The following HIP1R variants were observed in gnomAD, a reference collection of about 807,000 sequenced individuals.
HIP1R encodes the protein huntingtin interacting protein 1 related, also known as huntingtin-interacting protein 1-related protein.
In HIP1R, 135 loss-of-function variants were observed where a neutral mutation model predicts 144.2. The observed-to-expected ratio is 0.94, with a 90% CI of 0.81 to 1.08. The LOEUF (loss-of-function observed/expected upper bound fraction) is 1.08, where lower values mean the gene tolerates loss of function less well. HIP1R is among the 50% of genes least tolerant of loss of function. The pLI, the probability that HIP1R is intolerant of heterozygous loss-of-function variation, is 0.00. For missense variants in HIP1R, 1,462 were observed against 1,432.8 expected (o/e 1.02, Z -0.33); for synonymous variants, 698 against 612.8 (o/e 1.14, Z -2.05).
Position 122,861,106 on chromosome 12 carries a change from TCACCCC to T in HIP1R, c.2891-23_2891-18del, listed in dbSNP as rs745578711. ...TGAATGGGGGTGGGTGCCCAGATGT[TCACCCC>T]CTTGTCCTCCGGCCACAGACACCAT... On this transcript the variant is annotated intron_variant, in intron 29 of 31. Transcript: ENST00000253083. 6.2e-6 allele frequency: 10 copies of T among 1,613,356 alleles called. No individual in the cohort carries two copies. Among genetic ancestry groups the T allele is most frequent in the Non-Finnish European group, 8.5e-6 (10 of 1,179,946 alleles).
intron 20 of HIP1R, 45 bp from the exon 21 acceptor site, chr12:122,858,793 C>T (rs1463374546): frequency 7.4e-7 from 1 of 1,349,482 alleles, no homozygotes. Context: ...GTGCTAGTGT[C>T]TCAGTGTCAT....
upstream of HIP1R, chr12:122,835,400 T>C (rs1407543853): frequency 5.8e-6 from 5 of 864,996 alleles, no homozygotes; most frequent in Admixed American, 4.7e-4. Flanking sequence ...GGGCGTGCCC[T>C]GGAGTTGGGG....
At chr12:122,858,972 C>T in intron 21 of HIP1R, 27 bp downstream of exon 21, 1 of 1,611,780 alleles carries the variant, frequency 6.2e-7, no homozygotes, top group Non-Finnish European at 8.5e-7. Context: ...ATGGCAGGTT[C>T]TGTCCACCTC....
intron 1 of HIP1R, among the ~76,000 whole-genome samples, chr12:122,841,916 C>A (rs561545739): frequency 2.0e-5 from 3 of 152,168 alleles, no homozygotes; most frequent in Non-Finnish European, 4.4e-5. Context: ...TTCCTAAACG[C>A]TGAAATGACG....
intron 1 of HIP1R, among the ~76,000 whole-genome samples, chr12:122,847,624 G>A (rs1485926308): frequency 6.6e-6 from 1 of 152,226 alleles, no homozygotes; most frequent in Non-Finnish European, 1.5e-5. Flanking sequence ...GCAAAGGCCA[G>A]GTGGGCCCCA....
chr12:122,839,697 C>A (rs923221291), intron 1 of HIP1R, among the ~76,000 whole-genome samples: 1 of 152,216 alleles, frequency 6.6e-6, no homozygotes, highest in Admixed American at 6.5e-5. Flanking sequence ...GAAACAGGTG[C>A]GATTAACTGT....
intron 4 of HIP1R, among the ~76,000 whole-genome samples, chr12:122,849,534 GC>G (rs960884097): frequency 1.1e-4 from 17 of 152,394 alleles, no homozygotes; most frequent in African/African-American, 3.8e-4. Flanking sequence ...GGCCGCAGGG[GC>G]CGTGGGGCTG....
intron 1 of HIP1R, 134 bp downstream of exon 1, chr12:122,835,777 C>A: frequency 2.2e-6 from 1 of 448,310 alleles, no homozygotes; most frequent in Non-Finnish European, 3.0e-6. Context: ...GGGGGCAGGG[C>A]CTGTGTCCGC....
chr12:122,850,984 C>T, intron 6 of HIP1R, 73 bp downstream of exon 6: 1 of 1,337,878 alleles, frequency 7.5e-7, no homozygotes, highest in South Asian at 1.2e-5. Flanking sequence ...GTCTCACGCC[C>T]AGGCGTCCGC....
Position 122,854,973 on chromosome 12 carries a change from G to A in HIP1R, c.776+11G>A, listed in dbSNP as rs200749045. Reference sequence around the variant, plus strand: ...CGAGCAGTTTCACAGGTACTGCCTGGGACAGGGACAGGATTGAGGCCGGTG... The same window carrying A: ...CGAGCAGTTTCACAGGTACTGCCTGAGACAGGGACAGGATTGAGGCCGGTG... On this transcript the variant is annotated intron_variant, in intron 9 of 31. Transcript: ENST00000253083. The A allele has an allele frequency of 1.4e-5, 22 of 1,613,110 alleles. No individual in the cohort carries two copies. In the East Asian group the frequency reaches 4.9e-4, roughly 36 times the overall value.
intron 1 of HIP1R, among the ~76,000 whole-genome samples, chr12:122,842,051 G>T (rs10847864): frequency 0.29 from 43,460 of 152,058 alleles, 7,355 homozygotes; most frequent in East Asian, 0.53. Flanking sequence ...GCTGCTTTGC[G>T]TGTGGCCATA....
At chr12:122,854,296 G>GTGGGTT in intron 8 of HIP1R, 113 bp downstream of exon 8, 1 of 529,826 alleles carries the variant, frequency 1.9e-6, no homozygotes, top group Non-Finnish European at 2.9e-6. Flanking sequence ...AAAAATGGCA[G>GTGGGTT]TAATAAACCC....
intron 26 of HIP1R, 74 bp downstream of exon 26, chr12:122,860,284 A>G (rs918777826): frequency 1.2e-5 from 19 of 1,531,692 alleles, no homozygotes; most frequent in Non-Finnish European, 1.7e-5. Flanking sequence ...TGGGCATGAG[A>G]CCCTCCACCC....
intron 1 of HIP1R, 52 bp downstream of exon 1, chr12:122,835,695 G>A: frequency 9.4e-7 from 1 of 1,068,374 alleles, no homozygotes. Flanking sequence ...GGGCGGGCAA[G>A]CGGCGTCCCT....
At position 122,860,902 on chromosome 12, in the gene HIP1R, C is replaced by G; in HGVS notation, c.2767-14C>G. The stretch of plus-strand genomic sequence containing the variant: ...CTGGGAGACCTGGGCCCACCCTGAC[C>G]TCTCGCCCCTCAGGTGAAGGCCAAC... On this transcript the variant is annotated splice_polypyrimidine_tract_variant and intron_variant, in intron 28 of 31. Coordinates refer to ENST00000253083, the MANE Select transcript of HIP1R (RefSeq NM_003959.3). The G allele has an allele frequency of 6.2e-7, 1 of 1,606,870 alleles. No homozygotes were observed. Among genetic ancestry groups the G allele is most frequent in the Non-Finnish European group, 8.5e-7 (1 of 1,177,058 alleles).
Position 122,856,500 on chromosome 12 carries a change from G to GC in HIP1R, c.1471dup (p.Gln491ProfsTer305). 2 of 1,595,016 alleles carry GC rather than the reference G, an allele frequency of 1.3e-6. No homozygotes were observed. Among genetic ancestry groups the GC allele is most frequent in the Non-Finnish European group, 1.7e-6 (2 of 1,170,302 alleles). On this transcript the variant is annotated frameshift_variant, in exon 16 of 32. Transcript: ENST00000253083. LOFTEE classifies it high-confidence loss of function. ...AGGAGGAGGTGGCGCGGGTGAAGGAGCAGCTGGCCTTCCAGGTGGAGCAGG... is the reference window on the plus strand; with the variant it reads ...AGGAGGAGGTGGCGCGGGTGAAGGAGCCAGCTGGCCTTCCAGGTGGAGCAGG...
At chr12:122,854,857 C>A in intron 8 of HIP1R, 48 bp from the exon 9 acceptor site, 1 of 1,589,994 alleles carries the variant, frequency 6.3e-7, no homozygotes, top group East Asian at 2.2e-5. Flanking sequence ...CAGGTGAGCC[C>A]CTGAGCAGTG....
chr12:122,850,993 G>A (rs1471145604), intron 6 of HIP1R, 82 bp downstream of exon 6: 33 of 1,263,956 alleles, frequency 2.6e-5, no homozygotes, highest in Admixed American at 4.0e-5. Flanking sequence ...CCAGGCGTCC[G>A]CATGGGGCAG....
rs753563011 is a variant in HIP1R at position 122,851,239 on chromosome 12, C to T, written c.519C>T (p.Phe173=). The T allele has an allele frequency of 6.6e-6, 10 of 1,523,554 alleles. No individual in the cohort carries two copies. The South Asian group carries it at 7.8e-5, about 12-fold the overall frequency. The allele number at this position is 1,523,554 out of a possible 1,614,324, so 94.4% of individuals were successfully genotyped here. Residue 173 remains phenylalanine (F), a synonymous_variant, in exon 7 of 32, where the codon TTC becomes TTT. Coordinates refer to ENST00000253083, the MANE Select transcript of HIP1R (RefSeq NM_003959.3). ...TTCCCCCACTTCTCTTGCGTAGCTT[C>T]CAGCTCACTGTGGAGATGTTTGATT... ...KAAGTDVNNI[F]QLTVEMFDYM...
Sources: allele counts gnomAD v4.1 joint callset (sites outside exome capture counted in the v4.1 genomes callset), GRCh38; gene constraint gnomAD v4.1.1; transcripts MANE v1.5; gene names NCBI Gene and HGNC (gene_info 2026-07-23, HGNC 2026-07-21).